Variants in SMARCC1 observed in about 807,000 individuals in gnomAD.
SMARCC1 encodes SWI/SNF related BAF chromatin remodeling complex subunit C1, also known as SWI/SNF complex subunit SMARCC1.
SMARCC1 carries 43 observed loss-of-function variants against 147.4 expected under a neutral mutation model. The ratio of observed to expected loss-of-function variants is 0.29; its 90% CI spans 0.23 to 0.38. The LOEUF is 0.38. SMARCC1 is among the 10% of genes least tolerant of loss of function. SMARCC1 has a pLI of 1.00. For synonymous variants in SMARCC1, 495 were observed against 484.4 expected (o/e 1.02, Z -0.29); for missense variants, 1,119 against 1,381.1 (o/e 0.81, Z 3.01).
In SMARCC1 at chr3:47,736,048, T is replaced by C. The variant is rs531954334; in HGVS notation, c.562A>G (p.Ile188Val). The change falls in exon 5 of 28, where the codon ATC (isoleucine) becomes GTC (valine). Residue 188 changes from isoleucine to valine, a missense_variant. Physicochemically the swap from Ile to Val is conservative, Grantham distance 29 (BLOSUM62 3). This residue lies in a region of SMARCC1 where 542 missense variants were observed against 611.8 expected (regional missense o/e 0.89). Transcript: ENST00000254480. ...GTGTCTATTACCTGATGTCGTTTGATGATATCTTTCAATTTGTTAGCCAAC... is the reference window on the plus strand; with the variant it reads ...GTGTCTATTACCTGATGTCGTTTGACGATATCTTTCAATTTGTTAGCCAAC... ...LKLANKLKDI[I>V]KRHQGTFTDE... The C allele has an allele frequency of 3.8e-6, 6 of 1,566,324 alleles. No individual in the cohort carries two copies. The South Asian group carries it at 6.8e-5, about 18-fold the overall frequency.
At chr3:47,748,895 CAT>C (rs1308988691) in intron 2 of SMARCC1, among the ~76,000 whole-genome samples, 5 of 152,082 alleles carry the variant, frequency 3.3e-5, no homozygotes, top group Admixed American at 2.0e-4. Flanking sequence ...CAGAAGTGAG[CAT>C]AGTTTCTCCA....
At chr3:47,692,231 C>T (rs1244435651) in intron 12 of SMARCC1, among the ~76,000 whole-genome samples, 1 of 152,164 alleles carries the variant, frequency 6.6e-6, no homozygotes, top group African/African-American at 2.4e-5. Context: ...TTTAAAACTA[C>T]CCCTATTTAA....
intron 25 of SMARCC1, among the ~76,000 whole-genome samples, chr3:47,611,987 G>C (rs1483100848): frequency 6.6e-6 from 1 of 152,122 alleles, no homozygotes; most frequent in African/African-American, 2.4e-5. Flanking sequence ...AGAGGTTGAG[G>C]GTTACCAGGA....
In SMARCC1 at chr3:47,638,785, A is replaced by C; in HGVS notation, c.2321-5T>G. ...TTTTTTCCTCTTCAGCTCCTTCTAC[A>C]AGTAAAAGAATAAGAACAAGTACTC... On this transcript the variant is annotated splice_region_variant and splice_polypyrimidine_tract_variant and intron_variant, in intron 21 of 27. Transcript: ENST00000254480. The C allele has an allele frequency of 1.2e-6, 2 of 1,606,508 alleles. No individual in the cohort carries two copies. The highest frequency in any genetic ancestry group is 1.7e-6 in the Non-Finnish European group (2 of 1,173,010).
chr3:47,762,269 G>A (rs2034782033), intron 2 of SMARCC1, among the ~76,000 whole-genome samples: 1 of 152,158 alleles, frequency 6.6e-6, no homozygotes, highest in African/African-American at 2.4e-5. Context: ...CAGTGATCAA[G>A]TCCAACTCCA....
intron 11 of SMARCC1, among the ~76,000 whole-genome samples, chr3:47,693,910 G>T (rs1289493112): frequency 6.6e-6 from 1 of 152,120 alleles, no homozygotes; most frequent in African/African-American, 2.4e-5. Context: ...CAATCCATTC[G>T]CATCAGCCTC....
chr3:47,706,507 T>C lies in SMARCC1; in HGVS notation c.942A>G (p.Arg314=). ...GAGCATTAGCTGATGCTTTTCTATC[T>C]CTTCTTTCTGGACTTCTGACTGGCT... ...NEEPVRSPER[R]DRKASANARK... The change falls in exon 10 of 28, where the codon AGA becomes AGG. Residue 314 remains arginine (R), a synonymous_variant. Coordinates refer to ENST00000254480, the MANE Select transcript of SMARCC1 (RefSeq NM_003074.4). 1 of 1,582,818 alleles carries C rather than the reference T, an allele frequency of 6.3e-7. No homozygotes were observed. The highest frequency in any genetic ancestry group is 8.6e-7 in the Non-Finnish European group (1 of 1,167,928).
intron 19 of SMARCC1, among the ~76,000 whole-genome samples, chr3:47,667,305 G>A (rs1277897382): frequency 2.9e-5 from 4 of 136,394 alleles, no homozygotes; most frequent in Admixed American, 7.6e-5. Flanking sequence ...GCGACAGAGC[G>A]AGACTCCGTC....
chr3:47,595,021 A>G (rs1305011934), intron 26 of SMARCC1, among the ~76,000 whole-genome samples: 1 of 152,082 alleles, frequency 6.6e-6, no homozygotes, highest in Non-Finnish European at 1.5e-5. Context: ...CGTTTGCAAC[A>G]TTTTGGGATT....
At chr3:47,619,069 AAC>A (rs1221801396) in intron 25 of SMARCC1, among the ~76,000 whole-genome samples, 1 of 152,176 alleles carries the variant, frequency 6.6e-6, no homozygotes, top group African/African-American at 2.4e-5. Flanking sequence ...GGGAAAAATA[AAC>A]ACAAAGACTC....
chr3:47,686,055 T>C lies in SMARCC1; in HGVS notation c.1379A>G (p.Tyr460Cys). 8 of 1,613,340 alleles carry C rather than the reference T, an allele frequency of 5.0e-6. No homozygotes were observed. Among genetic ancestry groups the C allele is most frequent in the Non-Finnish European group, 5.9e-6 (7 of 1,179,450 alleles). The change falls in exon 14 of 28, where the codon TAT (tyrosine) becomes TGT (cysteine). Residue 460 changes from tyrosine (Y) to cysteine (C), a missense_variant. Physicochemically the swap from Tyr to Cys is radical, Grantham distance 194. Coordinates refer to ENST00000254480, the MANE Select transcript of SMARCC1 (RefSeq NM_003074.4). ...ATGGAAGTGGTCCACTCACCAGTTA[T>C]AATCAAACCATGATGCATAACTAGG... Reference protein sequence around the residue: ...IIPSYASWFDYNCIHVIERRA... With the variant: ...IIPSYASWFDCNCIHVIERRA...
intron 3 of SMARCC1, among the ~76,000 whole-genome samples, chr3:47,742,636 G>A (rs1015184656): frequency 1.3e-5 from 2 of 152,164 alleles, no homozygotes; most frequent in Admixed American, 1.3e-4. Flanking sequence ...AGGCTGGAGT[G>A]CAGTGGTGCA....
intron 21 of SMARCC1, among the ~76,000 whole-genome samples, chr3:47,643,614 T>C (rs527348735): frequency 6.6e-6 from 1 of 152,336 alleles, no homozygotes; most frequent in Non-Finnish European, 1.5e-5. Flanking sequence ...CCATGTTTTA[T>C]AAACTTTAAA....
intron 9 of SMARCC1, among the ~76,000 whole-genome samples, chr3:47,709,660 T>C (rs1385089128): frequency 6.6e-6 from 1 of 152,108 alleles, no homozygotes; most frequent in African/African-American, 2.4e-5. Flanking sequence ...CATTCCAGCC[T>C]GGGCAACAGA....
chr3:47,696,499 G>A (rs918713878), intron 11 of SMARCC1, among the ~76,000 whole-genome samples: 5 of 151,864 alleles, frequency 3.3e-5, no homozygotes, highest in Non-Finnish European at 7.4e-5. Flanking sequence ...ACTATATGCT[G>A]TGAAATAAAA....
At chr3:47,617,995 T>C (rs1005011848) in intron 25 of SMARCC1, among the ~76,000 whole-genome samples, 1 of 152,156 alleles carries the variant, frequency 6.6e-6, no homozygotes, top group African/African-American at 2.4e-5. Flanking sequence ...TTATAACTAA[T>C]ACAATTGGAT....
intron 26 of SMARCC1, among the ~76,000 whole-genome samples, chr3:47,606,279 T>C (rs1409637178): frequency 6.6e-6 from 1 of 152,222 alleles, no homozygotes; most frequent in Non-Finnish European, 1.5e-5. Flanking sequence ...TGTATCTGAA[T>C]CTGCTATAAA....
intron 22 of SMARCC1, among the ~76,000 whole-genome samples, chr3:47,638,006 T>A (rs1048860901): frequency 2.6e-5 from 4 of 152,232 alleles, no homozygotes; most frequent in Non-Finnish European, 5.9e-5. Context: ...TTAGCCCTCA[T>A]AGGAAATCAC....
At chr3:47,620,431 C>A (rs1285977145) in intron 25 of SMARCC1, among the ~76,000 whole-genome samples, 2 of 151,642 alleles carry the variant, frequency 1.3e-5, no homozygotes, top group Non-Finnish European at 2.9e-5. Context: ...CCACTGCACT[C>A]CAGCCTGGGT....
Sources: gnomAD v4.1 joint callset for allele counts (sites outside exome capture counted in the v4.1 genomes callset) on GRCh38, gnomAD v4.1.1 for gene constraint, gnomAD v4.1.1 regional missense constraint, MANE v1.5 for transcripts, NCBI Gene and HGNC (gene_info 2026-07-23, HGNC 2026-07-21) for gene names.